Variants in MAGI3 observed in about 807,000 individuals in gnomAD.
MAGI3 encodes the protein membrane-associated guanylate kinase, WW and PDZ domain-containing protein 3.
MAGI3 carries 43 observed loss-of-function variants against 121.8 expected under a neutral mutation model. The observed-to-expected ratio is 0.35, with a 90% CI of 0.28 to 0.46. The LOEUF (loss-of-function observed/expected upper bound fraction) is 0.46. MAGI3 is among the 20% of genes least tolerant of loss of function. The probability of loss-of-function intolerance (pLI) is 1.00; values close to 1 mark genes in which losing one functional copy is unlikely to be tolerated. For synonymous variants in MAGI3, 553 were observed against 639.3 expected (o/e 0.86, Z 2.04); for missense variants, 1,547 against 1,797.3 (o/e 0.86, Z 2.52).
At chr1:113,437,432 T>G (rs1653625438) in intron 1 of MAGI3, among the ~76,000 whole-genome samples, 1 of 152,098 alleles carries the variant, frequency 6.6e-6, no homozygotes, top group Admixed American at 6.5e-5. Context: ...TTTTCTTTCT[T>G]GCCCATCTCA....
chr1:113,560,271 G>A lies in MAGI3; in HGVS notation c.433+10640G>A, dbSNP rs551042976. 2.6e-3 allele frequency among the ~76,000 whole-genome samples: 399 copies of A among 152,122 alleles called. 1 individual carries two copies. The highest frequency in any genetic ancestry group is 8.3e-3 in the African/African-American group (345 of 41,496). On this transcript the variant is annotated intron_variant, in intron 2 of 20. Coordinates refer to ENST00000307546, the MANE Select transcript of MAGI3 (RefSeq NM_001142782.2). The stretch of plus-strand genomic sequence containing the variant: ...CACACTCCTGTAGTCCTAGCTACTC[G>A]GGGCTGAGGCAGGAGAATCGCTTGA...
chr1:113,401,169 C>T (rs916311512), intron 1 of MAGI3, among the ~76,000 whole-genome samples: 3 of 152,132 alleles, frequency 2.0e-5, no homozygotes, highest in Admixed American at 2.0e-4. Flanking sequence ...CACAGACTCA[C>T]AGGAAGAATT....
intron 1 of MAGI3, among the ~76,000 whole-genome samples, chr1:113,514,611 T>C (rs970179560): frequency 7.3e-5 from 11 of 151,018 alleles, no homozygotes; most frequent in African/African-American, 2.2e-4. Flanking sequence ...AACATCACAC[T>C]CTGAGGACTG....
intron 15 of MAGI3, among the ~76,000 whole-genome samples, chr1:113,654,337 G>A (rs1358053439): frequency 6.6e-6 from 1 of 152,092 alleles, no homozygotes; most frequent in Non-Finnish European, 1.5e-5. Flanking sequence ...TAAGAAAATG[G>A]GGACATAGGT....
chr1:113,598,084 C>A (rs1226762720), intron 6 of MAGI3, among the ~76,000 whole-genome samples: 1 of 152,002 alleles, frequency 6.6e-6, no homozygotes, highest in Non-Finnish European at 1.5e-5. Flanking sequence ...TGGTGGTGGG[C>A]ACCTGTAATC....
At chr1:113,541,966 A>G (rs144723789) in intron 1 of MAGI3, among the ~76,000 whole-genome samples, 42 of 152,148 alleles carry the variant, frequency 2.8e-4, no homozygotes, top group Non-Finnish European at 5.3e-4. Flanking sequence ...TCCTCTACCA[A>G]CATTTCCCCC....
chr1:113,680,241 G>GGA (rs1648131435), intron 19 of MAGI3, among the ~76,000 whole-genome samples: 1 of 152,308 alleles, frequency 6.6e-6, no homozygotes, highest in South Asian at 2.1e-4. Context: ...CCAGGTTTTA[G>GGA]GAGATATATT....
In MAGI3 at chr1:113,653,953, A is replaced by T. The variant is rs200050508; in HGVS notation, c.2564A>T (p.Gln855Leu). Residue 855 changes from glutamine to leucine, a missense_variant, in exon 15 of 21, where the codon CAA becomes CTA. Transcript: ENST00000307546. ...CAGGAGCCCTATGATGTTGTCTTGC[A>T]ACGAAAAGAAAATGAAGGATTTGGC... The part of the protein sequence containing the change: ...APQEPYDVVL[Q>L]RKENEGFGFV... 21 of 1,613,846 alleles carry T rather than the reference A, an allele frequency of 1.3e-5. No homozygotes were observed. In the African/African-American group the frequency reaches 2.5e-4, roughly 19 times the overall value.
intron 1 of MAGI3, among the ~76,000 whole-genome samples, chr1:113,536,284 G>A (rs1235717903): frequency 6.6e-6 from 1 of 152,012 alleles, no homozygotes; most frequent in African/African-American, 2.4e-5. Flanking sequence ...GTTTGCCACT[G>A]TGTCATACAA....
chr1:113,416,082 C>T (rs1365850413), intron 1 of MAGI3, among the ~76,000 whole-genome samples: 102 of 145,860 alleles, frequency 7.0e-4, no homozygotes, highest in African/African-American at 2.5e-3. Flanking sequence ...ATTAATGACA[C>T]ATATTAATTA....
chr1:113,680,491 C>T (rs1648146808), intron 19 of MAGI3, among the ~76,000 whole-genome samples: 1 of 152,212 alleles, frequency 6.6e-6, no homozygotes, highest in Admixed American at 6.5e-5. Context: ...GGCGCGGTGG[C>T]TCACGCCTGT....
chr1:113,591,511 G>A (rs564400406), intron 5 of MAGI3, among the ~76,000 whole-genome samples: 3 of 152,150 alleles, frequency 2.0e-5, no homozygotes, highest in Non-Finnish European at 4.4e-5. Flanking sequence ...TCCCAATTCC[G>A]TACCCTTCCA....
chr1:113,403,367 C>A (rs6688827), intron 1 of MAGI3, among the ~76,000 whole-genome samples: 37,715 of 151,874 alleles, frequency 0.25, 5,307 homozygotes, highest in East Asian at 0.63. Context: ...CCTTGATGCT[C>A]GTGAACTGGT....
At chr1:113,485,667 A>G (rs192958725) in intron 1 of MAGI3, among the ~76,000 whole-genome samples, 1 of 152,224 alleles carries the variant, frequency 6.6e-6, no homozygotes, top group Admixed American at 6.5e-5. Flanking sequence ...TTATAGTTTG[A>G]TTAAGTTTCA....
At chr1:113,457,614 G>T (rs1654822475) in intron 1 of MAGI3, among the ~76,000 whole-genome samples, 3 of 151,930 alleles carry the variant, frequency 2.0e-5, no homozygotes, top group Admixed American at 2.0e-4. Flanking sequence ...TCCTGTTCTT[G>T]GTGGTAGGAT....
At chr1:113,396,952 C>T (rs923003892) in intron 1 of MAGI3, among the ~76,000 whole-genome samples, 4 of 151,984 alleles carry the variant, frequency 2.6e-5, no homozygotes, top group East Asian at 3.9e-4. Context: ...GTGTGCTATT[C>T]GAAAAAGTAG....
At chr1:113,465,773 T>A (rs1171013962) in intron 1 of MAGI3, among the ~76,000 whole-genome samples, 1 of 152,176 alleles carries the variant, frequency 6.6e-6, no homozygotes, top group Non-Finnish European at 1.5e-5. Flanking sequence ...TAGATGGGAT[T>A]GCTTTCTTGA....
intron 9 of MAGI3, among the ~76,000 whole-genome samples, chr1:113,632,240 G>C (rs992319669): frequency 2.6e-5 from 4 of 152,068 alleles, no homozygotes; most frequent in Admixed American, 6.5e-5. Context: ...AAAATTAATA[G>C]TAAGGTTCTT....
chr1:113,603,821 A>G (rs1459193609), intron 6 of MAGI3, among the ~76,000 whole-genome samples: 1 of 152,214 alleles, frequency 6.6e-6, no homozygotes, highest in Non-Finnish European at 1.5e-5. Flanking sequence ...TGCCACCAAA[A>G]GGTAAAAAGT....
Sources: allele counts gnomAD v4.1 joint callset (sites outside exome capture counted in the v4.1 genomes callset), GRCh38; gene constraint gnomAD v4.1.1; transcripts MANE v1.5; gene names NCBI Gene and HGNC (gene_info 2026-07-23, HGNC 2026-07-21).